The following INPP1 variants were observed in gnomAD, a reference collection of about 807,000 sequenced individuals.
INPP1 encodes the protein inositol polyphosphate-1-phosphatase.
A neutral mutation model predicts 23.0 loss-of-function variants in INPP1; 18 were observed. The ratio of observed to expected loss-of-function variants is 0.78; its 90% CI spans 0.54 to 1.16. The LOEUF is 1.16. Ranked by LOEUF, INPP1 falls within the 50% of genes most tolerant of loss-of-function variation. The pLI is 0.00. For missense variants in INPP1, 448 were observed against 482.1 expected, an observed-to-expected ratio of 0.93 and a Z score of 0.66; for synonymous variants, 164 against 176.3, an observed-to-expected ratio of 0.93 and a Z score of 0.55.
In INPP1 at chr2:190,362,629, T is replaced by G. The variant is rs1279715661; in HGVS notation, c.207T>G (p.Phe69Leu). 27 of 1,606,322 alleles carry G rather than the reference T, an allele frequency of 1.7e-5. No homozygotes were observed. The highest frequency in any genetic ancestry group is 2.3e-5 in the Non-Finnish European group (27 of 1,174,416). The change falls in exon 4 of 7, where the codon TTT becomes TTG. Residue 69 changes from phenylalanine (F) to leucine (L), a missense_variant and splice_region_variant. Transcript: ENST00000392329. The stretch of plus-strand genomic sequence containing the variant: ...TCGTCATACTCTGAATCATTCAGTT[T>G]CCAGGCTTGGAAAAAAATATTTTTG... ...EVIKQNMENK[F>L]PGLEKNIFGE...
intron 5 of INPP1, 38 bp from the exon 6 acceptor site, chr2:190,369,065 C>T: frequency 2.2e-6 from 3 of 1,355,264 alleles, no homozygotes; most frequent in Non-Finnish European, 3.0e-6. Flanking sequence ...TCTAAATGAT[C>T]TTTACCTGAA....
At position 190,370,962 on chromosome 2, in the gene INPP1, G is replaced by A; in HGVS notation, c.760G>A (p.Ala254Thr). ...ETHTGNTGSEAAFSPSFSAVI... is the reference protein window; with the variant it reads ...ETHTGNTGSETAFSPSFSAVI... ...ACACACTGGAAACACCGGCTCTGAGGCAGCATTCTCCCCCAGTTTTTCAGC... is the reference window on the plus strand; with the variant it reads ...ACACACTGGAAACACCGGCTCTGAGACAGCATTCTCCCCCAGTTTTTCAGC... Residue 254 changes from alanine to threonine, a missense_variant, in exon 7 of 7, where the codon GCA (alanine) becomes ACA (threonine). Ala to Thr is a moderately conservative substitution (Grantham distance 58). Coordinates refer to ENST00000392329, the MANE Select transcript of INPP1 (RefSeq NM_001128928.2). 1 of 1,614,192 alleles carries A rather than the reference G, an allele frequency of 6.2e-7. No homozygotes were observed.
In INPP1 at chr2:190,367,176, C is replaced by A. The variant is rs1392997473; in HGVS notation, c.466+281C>A. Among the ~76,000 whole-genome samples the A allele has an allele frequency of 6.6e-6, 1 of 151,986 alleles. No individual in the cohort carries two copies. Among genetic ancestry groups the A allele is most frequent in the African/African-American group, 2.4e-5 (1 of 41,352 alleles). ...AGGCACACATGCAAAGATGAATTAA[C>A]TTCTCTTCAAAAGACTTCAGGGACC... On this transcript the variant is annotated intron_variant, in intron 5 of 6. Coordinates refer to ENST00000392329, the MANE Select transcript of INPP1 (RefSeq NM_001128928.2). This position sits in a 1 kb window ranked among gnomAD's most constrained non-coding sequence, Gnocchi z 4.1.
chr2:190,346,608 C>CT lies in INPP1; in HGVS notation c.-208-2272dup, dbSNP rs1435593893. Among the ~76,000 whole-genome samples, 7 of 151,994 alleles carry CT rather than the reference C, an allele frequency of 4.6e-5. No homozygotes were observed. The highest frequency in any genetic ancestry group is 2.1e-4 in the South Asian group (1 of 4,810). ...ATATTGTACCTAATAATTTCTCTTT[C>CT]TTTTTTTTCTTTTTTTCTTGAGAAA... On this transcript the variant is annotated intron_variant, in intron 1 of 6. Transcript: ENST00000392329. The surrounding 1 kb of genome is among the most constrained non-coding windows in gnomAD (Gnocchi z 5.1).
intron 6 of INPP1, among the ~76,000 whole-genome samples, chr2:190,369,769 C>T (rs1310599856): frequency 6.6e-6 from 1 of 152,188 alleles, no homozygotes; most frequent in Non-Finnish European, 1.5e-5. Flanking sequence ...TCCTCCCTTC[C>T]ACTCTTCCAT....
intron 1 of INPP1, among the ~76,000 whole-genome samples, chr2:190,347,067 A>G (rs538104766): frequency 5.7e-4 from 77 of 134,802 alleles, no homozygotes; most frequent in Admixed American, 2.3e-3. Context: ...GCTAGAGTGC[A>G]GTGGTGTGAT....
In INPP1 at chr2:190,352,897, C is replaced by A. The variant is rs1272989927; in HGVS notation, c.-65+3866C>A. 3.3e-5 allele frequency among the ~76,000 whole-genome samples: 5 copies of A among 152,172 alleles called. No individual in the cohort carries two copies. The highest frequency in any genetic ancestry group is 7.3e-5 in the Non-Finnish European group (5 of 68,032). On this transcript the variant is annotated intron_variant, in intron 2 of 6. Transcript: ENST00000392329. The surrounding 1 kb of genome is among the most constrained non-coding windows in gnomAD (Gnocchi z 4.7). ...AGCAGCAATAGCTGTCAGGCAGGCCCACCACGCAATAGCTTCAAATTGCCA... is the reference window on the plus strand; with the variant it reads ...AGCAGCAATAGCTGTCAGGCAGGCCAACCACGCAATAGCTTCAAATTGCCA...
chr2:190,360,656 C>T (rs1341569093), intron 3 of INPP1, among the ~76,000 whole-genome samples: 1 of 152,148 alleles, frequency 6.6e-6, no homozygotes, highest in Non-Finnish European at 1.5e-5. Flanking sequence ...CCCTCTTAGT[C>T]CCACCACTGG....
chr2:190,360,275 A>G lies in INPP1; in HGVS notation c.173A>G (p.Gln58Arg). The change falls in exon 3 of 7, where the codon CAG becomes CGG. Residue 58 changes from glutamine (Q) to arginine (R), a missense_variant. Physicochemically the swap from Gln to Arg is conservative, Grantham distance 43 (BLOSUM62 1). Coordinates refer to ENST00000392329, the MANE Select transcript of INPP1 (RefSeq NM_001128928.2). Reference protein sequence around the residue: ...DFKTLADVLVQEVIKQNMENK... With the variant: ...DFKTLADVLVREVIKQNMENK... ...AAGACGCTGGCTGATGTACTGGTAC[A>G]GGAAGTTATAAAACAGAATATGGAG... is the stretch of plus-strand genomic sequence containing the variant. The G allele has an allele frequency of 6.2e-7, 1 of 1,614,214 alleles. No homozygotes were observed. Among genetic ancestry groups the G allele is most frequent in the Non-Finnish European group, 8.5e-7 (1 of 1,180,020 alleles).
chr2:190,371,392 C>T lies in INPP1; in HGVS notation c.1190C>T (p.Thr397Met), dbSNP rs199548103. 2.8e-5 allele frequency: 42 copies of T among 1,520,538 alleles called. No individual in the cohort carries two copies. The highest frequency in any genetic ancestry group is 8.0e-5 in the South Asian group (6 of 75,250). 94.2% of individuals were successfully genotyped at this position (1,520,538 alleles called of 1,614,324 possible). ...GTCCAAAACCTGGCACCTGCAGAGA[C>T]GCATACCTAGAGGAACTCTAACCCC... The part of the protein sequence containing the change: ...LLVQNLAPAE[T>M]HT Residue 397 changes from threonine to methionine, a missense_variant, in exon 7 of 7, where the codon ACG becomes ATG. Physicochemically the swap from Thr to Met is moderately conservative, Grantham distance 81. Coordinates refer to ENST00000392329, the MANE Select transcript of INPP1 (RefSeq NM_001128928.2). The surrounding 1 kb of genome is among the most constrained non-coding windows in gnomAD (Gnocchi z 5.3).
In INPP1 at chr2:190,363,195, T is replaced by C. The variant is rs1306429935; in HGVS notation, c.265+508T>C. On this transcript the variant is annotated intron_variant, in intron 4 of 6. Coordinates refer to ENST00000392329, the MANE Select transcript of INPP1 (RefSeq NM_001128928.2). This position sits in a 1 kb window ranked among gnomAD's most constrained non-coding sequence, Gnocchi z 4.4. ...AGTCTCAGAACCTCTGTGAAGTACT[T>C]GGATTAACTAAAAGATTCCTTTTAG... Among the ~76,000 whole-genome samples the C allele has an allele frequency of 6.6e-6, 1 of 152,178 alleles. No homozygotes were observed. Among genetic ancestry groups the C allele is most frequent in the African/African-American group, 2.4e-5 (1 of 41,428 alleles).
chr2:190,366,952 T>C, intron 5 of INPP1, 57 bp downstream of exon 5: 3 of 1,162,494 alleles, frequency 2.6e-6, no homozygotes, highest in East Asian at 4.7e-5. Context: ...GGTGGTGGGG[T>C]TGGGGATGGG....
At chr2:190,347,257 C>T (rs1260705920) in intron 1 of INPP1, among the ~76,000 whole-genome samples, 2 of 151,830 alleles carry the variant, frequency 1.3e-5, no homozygotes, top group African/African-American at 2.4e-5. Flanking sequence ...GTGATCCACC[C>T]GCCTTGGCCT....
rs1192336391 is a variant in INPP1, at chr2:190,355,932, AAAAT to A, written c.-64-4098_-64-4095del. Among the ~76,000 whole-genome samples the A allele has an allele frequency of 1.3e-5, 2 of 152,092 alleles. No individual in the cohort carries two copies. The highest frequency in any genetic ancestry group is 2.9e-5 in the Non-Finnish European group (2 of 68,030). On this transcript the variant is annotated intron_variant, in intron 2 of 6. Coordinates refer to ENST00000392329, the MANE Select transcript of INPP1 (RefSeq NM_001128928.2). The surrounding 1 kb of genome is among the most constrained non-coding windows in gnomAD (Gnocchi z 5.1). ...CCCTGAACTTAGAATAAAAGTTGAA[AAAAT>A]AAATAAATTAATTAAAAAATCATCT...
intron 2 of INPP1, among the ~76,000 whole-genome samples, chr2:190,357,976 G>C (rs1314187791): frequency 6.6e-6 from 1 of 151,242 alleles, no homozygotes; most frequent in Non-Finnish European, 1.5e-5. Context: ...TAGCAAAATT[G>C]TTTAAGATCA....
At chr2:190,350,932 C>G (rs16832601) in intron 2 of INPP1, among the ~76,000 whole-genome samples, 1 of 152,108 alleles carries the variant, frequency 6.6e-6, no homozygotes, top group Non-Finnish European at 1.5e-5. Flanking sequence ...TCAGATACAG[C>G]CTTGGTTTGT....
At position 190,356,966 on chromosome 2, in the gene INPP1, T is replaced by C. The variant is rs1489034992; in HGVS notation, c.-64-3073T>C. Among the ~76,000 whole-genome samples the C allele has an allele frequency of 6.6e-6, 1 of 152,250 alleles. No individual in the cohort carries two copies. The highest frequency in any genetic ancestry group is 1.5e-5 in the Non-Finnish European group (1 of 68,048). ...GCATATCTGTGATTGTATATTATACTTAAGTTATAATTTGTGGTATATATA... is the reference window on the plus strand; with the variant it reads ...GCATATCTGTGATTGTATATTATACCTAAGTTATAATTTGTGGTATATATA... On this transcript the variant is annotated intron_variant, in intron 2 of 6. Transcript: ENST00000392329. This position sits in a 1 kb window ranked among gnomAD's most constrained non-coding sequence, Gnocchi z 6.4.
At chr2:190,358,469 C>T (rs1415695464) in intron 2 of INPP1, among the ~76,000 whole-genome samples, 2 of 152,102 alleles carry the variant, frequency 1.3e-5, no homozygotes, top group African/African-American at 2.4e-5. Context: ...CCGCCTGCCT[C>T]GGCCTTCCAA....
At chr2:190,364,607 G>GC (rs1689607277) in intron 4 of INPP1, among the ~76,000 whole-genome samples, 1 of 20,604 alleles carries the variant, frequency 4.9e-5, no homozygotes, top group Non-Finnish European at 8.2e-5. Flanking sequence ...TTTTTTTTTT[G>GC]TTAGATGGAG....
Sources: allele counts gnomAD v4.1 joint callset (sites outside exome capture counted in the v4.1 genomes callset), GRCh38; gene constraint gnomAD v4.1.1; non-coding constraint Gnocchi (gnomAD v3.1); transcripts MANE v1.5; gene names NCBI Gene and HGNC (gene_info 2026-07-23, HGNC 2026-07-21).